The following METTL15 variants were observed in gnomAD, a reference collection of about 807,000 sequenced individuals.
METTL15 encodes 12S rRNA N(4)-cytidine methyltransferase METTL15.
A neutral mutation model predicts 38.3 loss-of-function variants in METTL15; 34 were observed. That is an observed-to-expected ratio of 0.89 (90% CI 0.68 to 1.18). The LOEUF (loss-of-function observed/expected upper bound fraction) is 1.18. Among genes scored for constraint, METTL15 ranks in the 50% most tolerant of loss-of-function variants. The probability of loss-of-function intolerance (pLI) is 0.00; values close to 1 mark genes in which losing one functional copy is unlikely to be tolerated. For synonymous variants in METTL15, 162 were observed against 170.9 expected, an observed-to-expected ratio of 0.95 and a Z score of 0.41; for missense variants, 438 against 498.4, an observed-to-expected ratio of 0.88 and a Z score of 1.15.
intron 3 of METTL15, among the ~76,000 whole-genome samples, chr11:28,120,613 GTC>G (rs1319203930): frequency 6.6e-6 from 1 of 151,914 alleles, no homozygotes; most frequent in Non-Finnish European, 1.5e-5. Context: ...TGTAGATTTA[GTC>G]TCTGCCTATT....
intron 6 of METTL15, among the ~76,000 whole-genome samples, chr11:28,327,245 C>A (rs1471764556): frequency 6.6e-6 from 1 of 152,172 alleles, no homozygotes; most frequent in Non-Finnish European, 1.5e-5. Context: ...ATCCATCAGA[C>A]ATAATGCAGG....
At chr11:28,529,350 C>G (rs1334374997), downstream of METTL15, among the ~76,000 whole-genome samples, 2 of 152,064 alleles carry the variant, frequency 1.3e-5, no homozygotes, top group Non-Finnish European at 2.9e-5. Context: ...TGCAGTTCAT[C>G]AGCTTCATAC....
intron 3 of METTL15, among the ~76,000 whole-genome samples, chr11:28,147,106 G>A (rs1337991270): frequency 2.0e-5 from 3 of 151,866 alleles, no homozygotes; most frequent in Non-Finnish European, 4.4e-5. Flanking sequence ...AGGAAGAGAA[G>A]GGAAGTCACA....
At chr11:28,394,694 C>T (rs1850550338) in intron 5 of METTL15, among the ~76,000 whole-genome samples, 1 of 152,008 alleles carries the variant, frequency 6.6e-6, no homozygotes, top group East Asian at 1.9e-4. Context: ...ACTAATGATT[C>T]TTCATCTTTT....
intron 6 of METTL15, among the ~76,000 whole-genome samples, chr11:28,436,332 G>C (rs529868039): frequency 6.6e-6 from 1 of 152,232 alleles, no homozygotes; most frequent in South Asian, 2.1e-4. Flanking sequence ...TTATCAGTTT[G>C]CTATTGTGCA....
chr11:28,244,242 C>T (rs148064538), intron 4 of METTL15, among the ~76,000 whole-genome samples: 143 of 152,190 alleles, frequency 9.4e-4, no homozygotes, highest in Admixed American at 2.9e-3. Flanking sequence ...TTTTTCTTTG[C>T]CTGGTAAGTG....
intron 3 of METTL15, among the ~76,000 whole-genome samples, chr11:28,340,950 A>C (rs532760833): frequency 6.6e-6 from 1 of 152,364 alleles, no homozygotes; most frequent in African/African-American, 2.4e-5. Context: ...GACTGGATAA[A>C]GAAAATGTGG....
intron 5 of METTL15, among the ~76,000 whole-genome samples, chr11:28,402,198 C>G (rs139219622): frequency 0.011 from 1,702 of 152,074 alleles, 7 homozygotes; most frequent in Non-Finnish European, 0.018. Flanking sequence ...CTGCCTCCTT[C>G]CTTTCCCTCA....
At chr11:28,413,211 A>G (rs886441640) in intron 5 of METTL15, among the ~76,000 whole-genome samples, 2 of 151,994 alleles carry the variant, frequency 1.3e-5, no homozygotes, top group African/African-American at 4.8e-5. Context: ...CATCATATCT[A>G]TTTCATCAAA....
chr11:28,229,580 G>T (rs1853608703), intron 4 of METTL15, among the ~76,000 whole-genome samples: 1 of 151,970 alleles, frequency 6.6e-6, no homozygotes, highest in South Asian at 2.1e-4. Context: ...TCTTATAAAA[G>T]ATTGCAGGGA....
chr11:28,402,628 ACT>A (rs1327488115), intron 5 of METTL15, among the ~76,000 whole-genome samples: 2 of 151,468 alleles, frequency 1.3e-5, no homozygotes, highest in African/African-American at 4.8e-5. Context: ...TAAATACTTA[ACT>A]TTTTTTAATT....
chr11:28,363,325 C>T (rs1850156895), intron 5 of METTL15, among the ~76,000 whole-genome samples: 1 of 152,104 alleles, frequency 6.6e-6, no homozygotes, highest in South Asian at 2.1e-4. Flanking sequence ...AGGCTTGTGC[C>T]ACCAGGCCCA....
chr11:28,368,464 G>A (rs975375537), intron 5 of METTL15, among the ~76,000 whole-genome samples: 4 of 152,034 alleles, frequency 2.6e-5, no homozygotes, highest in East Asian at 1.9e-4. Context: ...ACCATCTCAC[G>A]CCAGTTAGAA....
chr11:28,424,432 G>A (rs1239997843), intron 6 of METTL15: 1 of 152,114 alleles, frequency 6.6e-6, no homozygotes, highest in African/African-American at 2.4e-5. Context: ...TGAGGTAAAA[G>A]GGTAGAGAAG....
At position 28,175,050 on chromosome 11, in the gene METTL15, A is replaced by G. The variant is rs1273757055; in HGVS notation, c.271-36012A>G. 4.6e-5 allele frequency among the ~76,000 whole-genome samples: 7 copies of G among 151,992 alleles called. No homozygotes were observed. In the East Asian group the frequency reaches 9.7e-4, roughly 21 times the overall value. ...CCATGTTGGTGTGCTGCACCCAGTA[A>G]CTCATCATTTAACATTAGGTAAATC... is the stretch of plus-strand genomic sequence containing the variant. On this transcript the variant is annotated intron_variant, in intron 3 of 6. Transcript: ENST00000407364.
chr11:28,267,247 C>G (rs909766669), intron 4 of METTL15, among the ~76,000 whole-genome samples: 1 of 151,934 alleles, frequency 6.6e-6, no homozygotes, highest in Non-Finnish European at 1.5e-5. Context: ...ACTTCTTTGC[C>G]CCTTGTTCAC....
intron 3 of METTL15, among the ~76,000 whole-genome samples, chr11:28,340,602 C>T (rs1849942431): frequency 6.6e-6 from 1 of 152,150 alleles, no homozygotes; most frequent in African/African-American, 2.4e-5. Context: ...TAGAGTGATG[C>T]AAATCAAGAC....
chr11:28,400,211 C>T (rs1368467362), intron 5 of METTL15, among the ~76,000 whole-genome samples: 1 of 146,786 alleles, frequency 6.8e-6, no homozygotes. Flanking sequence ...CTATGTGTAG[C>T]ATTTTATAAA....
Position 28,159,318 on chromosome 11 carries a change from C to T in METTL15, c.270+45714C>T, listed in dbSNP as rs189484269. ...AGAGTTGCATGGAATACAGGAGATC[C>T]ATTAGGGCATCTCTTAGTATTACCA... On this transcript the variant is annotated intron_variant, in intron 3 of 6. Transcript: ENST00000407364. 9.0e-4 allele frequency among the ~76,000 whole-genome samples: 137 copies of T among 152,066 alleles called. 1 individual carries two copies. The highest frequency in any genetic ancestry group is 3.3e-3 in the African/African-American group (136 of 41,488).
Sources: allele counts gnomAD v4.1 joint callset (sites outside exome capture counted in the v4.1 genomes callset), GRCh38; gene constraint gnomAD v4.1.1; transcripts MANE v1.5; gene names NCBI Gene and HGNC (gene_info 2026-07-23, HGNC 2026-07-21).